NLRC5: variants seen among roughly 807,000 people sequenced by gnomAD.
NLRC5 encodes the protein NLR family CARD domain containing 5.
NLRC5 carries 114 observed loss-of-function variants against 206.9 expected under a neutral mutation model. That is an observed-to-expected ratio of 0.55 (90% confidence interval 0.47 to 0.64). The LOEUF (loss-of-function observed/expected upper bound fraction) is 0.64, where lower values mean the gene tolerates loss of function less well. Ranked by LOEUF, NLRC5 falls within the 30% of genes least tolerant of loss-of-function variation. The probability of loss-of-function intolerance (pLI) is 0.00; values close to 1 mark genes in which losing one functional copy is unlikely to be tolerated. For synonymous variants in NLRC5, 952 were observed against 962.8 expected (o/e 0.99, Z 0.21); for missense variants, 2,008 against 2,305.5 (o/e 0.87, Z 2.64).
Position 57,034,262 on chromosome 16 carries a change from CGGGAAGCCCT to C in NLRC5, c.2627+14_2627+23del. ...CCTGGAGGAAGTGGAGTGAGTATCA[CGGGAAGCCCT>C]GGCGTAGGAGCCAGGAAAGGAGGTT... On this transcript the variant is annotated intron_variant, in intron 13 of 48. Coordinates refer to ENST00000688547, the MANE Select transcript of NLRC5 (RefSeq NM_001384950.1). 6.9e-7 allele frequency: 1 copy of C among 1,440,198 alleles called. No individual in the cohort carries two copies. Among genetic ancestry groups the C allele is most frequent in the Non-Finnish European group, 9.3e-7 (1 of 1,070,572 alleles). The allele number at this position is 1,440,198 out of a possible 1,614,324, so 89.2% of individuals were successfully genotyped here.
Position 57,025,614 on chromosome 16 carries a change from C to A in NLRC5, c.671C>A (p.Thr224Asn). ...NTRVNKGPRV[T>N]VLLGKAGMGK... ...AGGGTTAACAAGGGCCCGAGGGTGA[C>A]CGTGCTTTTGGGGAAGGCTGGCATG... Residue 224 changes from threonine to asparagine, a missense_variant, in exon 6 of 49, where the codon ACC (threonine) becomes AAC (asparagine). Physicochemically the swap from Thr to Asn is moderately conservative, Grantham distance 65. Coordinates refer to ENST00000688547, the MANE Select transcript of NLRC5 (RefSeq NM_001384950.1). The A allele has an allele frequency of 6.2e-7, 1 of 1,614,154 alleles. No homozygotes were observed. Among genetic ancestry groups the A allele is most frequent in the Non-Finnish European group, 8.5e-7 (1 of 1,180,028 alleles).
At chr16:57,082,182 A>C (rs991232747) in intron 48 of NLRC5, among the ~76,000 whole-genome samples, 15 of 152,212 alleles carry the variant, frequency 9.9e-5, no homozygotes, top group Admixed American at 7.9e-4. Context: ...GTGTCATATG[A>C]GTGTGGCCTT....
At chr16:56,991,294 G>C in intron 1 of NLRC5, among the ~76,000 whole-genome samples, 1 of 151,938 alleles carries the variant, frequency 6.6e-6, no homozygotes, top group East Asian at 1.9e-4. Context: ...GGCCGGGTCA[G>C]CCTCCTCAGA....
At chr16:57,011,441 C>T (rs1870505672) in intron 1 of NLRC5, among the ~76,000 whole-genome samples, 1 of 149,078 alleles carries the variant, frequency 6.7e-6, no homozygotes, top group African/African-American at 2.5e-5. Flanking sequence ...TGAATTTAGA[C>T]TCAGGTGCAG....
chr16:57,059,675 A>G (rs916407218), intron 30 of NLRC5, 143 bp downstream of exon 30: 9 of 757,074 alleles, frequency 1.2e-5, no homozygotes, highest in Non-Finnish European at 1.8e-5. Flanking sequence ...CTGTTCCTCC[A>G]GATCTGCCCC....
At position 57,079,632 on chromosome 16, in the gene NLRC5, G is replaced by A; in HGVS notation, c.5321+3G>A. 1 of 1,613,442 alleles carries A rather than the reference G, an allele frequency of 6.2e-7. No individual in the cohort carries two copies. The highest frequency in any genetic ancestry group is 8.5e-7 in the Non-Finnish European group (1 of 1,179,558). The stretch of plus-strand genomic sequence containing the variant: ...TGCCCTGCCCTGGAAGTAATCTTGT[G>A]AGTGATTGGAAGAGCCCTGAGCTGG... On this transcript the variant is annotated splice_donor_region_variant and intron_variant, in intron 46 of 48. Transcript: ENST00000688547.
At chr16:57,030,114 A>T in intron 10 of NLRC5, 30 bp downstream of exon 10, 1 of 1,574,760 alleles carries the variant, frequency 6.4e-7, no homozygotes, top group Non-Finnish European at 8.7e-7. Flanking sequence ...TCTTGGCCTT[A>T]TGGGCCTTGA....
chr16:57,082,353 T>A (rs1224012278), intron 48 of NLRC5, 64 bp from the exon 49 acceptor site: 2 of 1,330,556 alleles, frequency 1.5e-6, no homozygotes, highest in African/African-American at 1.5e-5. Flanking sequence ...AGCCTCCCAA[T>A]CTGCAGATAC....
intron 32 of NLRC5, chr16:57,062,365 T>G: frequency 3.0e-6 from 1 of 328,444 alleles, no homozygotes; most frequent in Non-Finnish European, 5.9e-6. Context: ...GACAGCTGGC[T>G]TTTGGGATCC....
At chr16:56,996,464 G>A (rs1216889890) in intron 1 of NLRC5, among the ~76,000 whole-genome samples, 1 of 152,186 alleles carries the variant, frequency 6.6e-6, no homozygotes, top group African/African-American at 2.4e-5. Context: ...GGGATTACAG[G>A]TGTGAGCCTC....
chr16:57,023,935 C>T (rs2060971567), intron 5 of NLRC5, 82 bp downstream of exon 5: 1 of 1,297,118 alleles, frequency 7.7e-7, no homozygotes, highest in Non-Finnish European at 1.1e-6. Flanking sequence ...ACCTTGTCCC[C>T]TGCCAATAAG....
chr16:57,022,368 C>A (rs1448379850), intron 4 of NLRC5, 53 bp downstream of exon 4: 42 of 1,513,858 alleles, frequency 2.8e-5, no homozygotes, highest in Non-Finnish European at 3.7e-5. Flanking sequence ...TGTGAAGTCC[C>A]CACTTCCAAG....
chr16:57,001,633 G>A (rs2058269908), intron 1 of NLRC5, among the ~76,000 whole-genome samples: 1 of 152,108 alleles, frequency 6.6e-6, no homozygotes, highest in Admixed American at 6.6e-5. Flanking sequence ...TGGGTACATA[G>A]TAGGTGTATA....
chr16:57,055,316 A>C, intron 26 of NLRC5, 117 bp from the exon 27 acceptor site: 2 of 1,023,906 alleles, frequency 2.0e-6, no homozygotes, highest in Non-Finnish European at 3.0e-6. Context: ...CAGAGGGTCC[A>C]AGCTTGAGTG....
At chr16:56,999,037 G>T (rs546989778) in intron 1 of NLRC5, among the ~76,000 whole-genome samples, 28 of 152,346 alleles carry the variant, frequency 1.8e-4, no homozygotes, top group African/African-American at 6.7e-4. Context: ...GCATGGTCGG[G>T]TTCTGGCAAG....
intron 33 of NLRC5, 105 bp from the exon 34 acceptor site, chr16:57,066,429 C>T (rs2067091484): frequency 1.1e-6 from 1 of 945,640 alleles, no homozygotes; most frequent in African/African-American, 1.6e-5. Flanking sequence ...AGAAGGGGAC[C>T]CAGGCAAAGT....
At chr16:57,050,998 G>A (rs2064821461) in intron 23 of NLRC5, among the ~76,000 whole-genome samples, 1 of 152,030 alleles carries the variant, frequency 6.6e-6, no homozygotes, top group African/African-American at 2.4e-5. Context: ...TACTACAGGT[G>A]TGCACCACCA....
In NLRC5 at chr16:57,076,842, A is replaced by T; in HGVS notation, c.4775A>T (p.Asp1592Val). Residue 1592 changes from aspartate to valine, a missense_variant, in exon 40 of 49, where the codon GAT (aspartate) becomes GTT (valine). Asp to Val is a radical substitution (Grantham distance 152). Coordinates refer to ENST00000688547, the MANE Select transcript of NLRC5 (RefSeq NM_001384950.1). ...SLRLNRNSIG[D>V]VGCCHLSEAL... ...AGACTGAACAGGAACAGTATCGGTG[A>T]TGTCGGTTGCTGCCACCTTTCTGAG... 6.2e-7 allele frequency: 1 copy of T among 1,614,106 alleles called. No individual in the cohort carries two copies. The highest frequency in any genetic ancestry group is 8.5e-7 in the Non-Finnish European group (1 of 1,180,042).
intron 23 of NLRC5, chr16:57,048,188 T>C (rs2064270296): frequency 6.5e-6 from 1 of 153,014 alleles, no homozygotes; most frequent in South Asian, 2.1e-4. Flanking sequence ...TCTATTATAG[T>C]AATTACCTTA....
Sources: allele counts gnomAD v4.1 joint callset (sites outside exome capture counted in the v4.1 genomes callset), GRCh38; gene constraint gnomAD v4.1.1; transcripts MANE v1.5; gene names NCBI Gene and HGNC (gene_info 2026-07-23, HGNC 2026-07-21).